FBN2: variants seen among roughly 807,000 people sequenced by gnomAD.
FBN2 encodes fibrillin 2.
A neutral mutation model predicts 355.6 loss-of-function variants in FBN2; 105 were observed. That is an observed-to-expected ratio of 0.30 (90% CI 0.25 to 0.35). The LOEUF is 0.35. Among genes scored for constraint, FBN2 ranks in the 10% least tolerant of loss-of-function variants. The probability of loss-of-function intolerance (pLI) is 1.00; values close to 1 mark genes in which losing one functional copy is unlikely to be tolerated. For synonymous variants in FBN2, 1,350 were observed against 1,301.2 expected, an observed-to-expected ratio of 1.04 and a Z score of -0.81; for missense variants, 3,280 against 3,758.7, an observed-to-expected ratio of 0.87 and a Z score of 3.33.
chr5:128,322,085 T>C (rs1750391406), intron 34 of FBN2, among the ~76,000 whole-genome samples: 1 of 152,324 alleles, frequency 6.6e-6, no homozygotes, highest in African/African-American at 2.4e-5. Context: ...CTCATAAATG[T>C]TTTCTTTTGA....
chr5:128,284,736 G>A (rs537442043), intron 55 of FBN2, among the ~76,000 whole-genome samples: 1 of 152,310 alleles, frequency 6.6e-6, no homozygotes, highest in East Asian at 1.9e-4. Flanking sequence ...ATCTCTGATA[G>A]TTGCTGCTTC....
At chr5:128,504,870 T>C (rs923296683) in intron 5 of FBN2, among the ~76,000 whole-genome samples, 5 of 152,140 alleles carry the variant, frequency 3.3e-5, no homozygotes, top group African/African-American at 9.7e-5. Context: ...AATGATATGG[T>C]TTGGCTGTGT....
chr5:128,278,638 T>C lies in FBN2; in HGVS notation c.7342A>G (p.Arg2448Gly), dbSNP rs1765455659. The C allele has an allele frequency of 2.5e-6, 4 of 1,613,436 alleles. No homozygotes were observed. Among genetic ancestry groups the C allele is most frequent in the Non-Finnish European group, 3.4e-6 (4 of 1,179,450 alleles). The change falls in exon 57 of 65, where the codon AGA (arginine) becomes GGA (glycine). Residue 2448 changes from arginine (R) to glycine (G), a missense_variant. Arg to Gly is a moderately radical substitution (Grantham distance 125, BLOSUM62 -2). Transcript: ENST00000262464. Reference protein sequence around the residue: ...PHGPGYTTDGRDIDECKVMPN... With the variant: ...PHGPGYTTDGGDIDECKVMPN... ...ATAAATTTCCTCAACTCCTTACCTC[T>C]TCCATCAGTTGTATATCCTGGGCCA...
intron 8 of FBN2, among the ~76,000 whole-genome samples, chr5:128,407,235 C>T (rs1234232653): frequency 1.3e-5 from 2 of 152,124 alleles, no homozygotes; most frequent in Non-Finnish European, 2.9e-5. Flanking sequence ...TCATTGGCTG[C>T]AAAACACTGG....
At chr5:128,296,446 G>C (rs1341289859) in intron 48 of FBN2, among the ~76,000 whole-genome samples, 2 of 151,622 alleles carry the variant, frequency 1.3e-5, no homozygotes, top group East Asian at 3.9e-4. Context: ...GGTAGAATTC[G>C]GCTGTGAATC....
intron 15 of FBN2, among the ~76,000 whole-genome samples, chr5:128,373,477 C>T (rs1380398701): frequency 6.6e-6 from 1 of 152,118 alleles, no homozygotes; most frequent in African/African-American, 2.4e-5. Flanking sequence ...TCTACTTCTT[C>T]TCCTCCACCT....
chr5:128,361,485 T>G (rs1751636395), intron 19 of FBN2, among the ~76,000 whole-genome samples: 2 of 152,230 alleles, frequency 1.3e-5, no homozygotes, highest in African/African-American at 4.8e-5. Context: ...TTATCCGCTT[T>G]AAAATGTTTG....
At chr5:128,425,199 A>C (rs1439125896) in intron 7 of FBN2, among the ~76,000 whole-genome samples, 1 of 152,134 alleles carries the variant, frequency 6.6e-6, no homozygotes, top group Non-Finnish European at 1.5e-5. Context: ...AATACTGAAG[A>C]CTTAACATAA....
intron 8 of FBN2, among the ~76,000 whole-genome samples, chr5:128,395,993 C>T (rs1361452762): frequency 6.6e-6 from 1 of 152,162 alleles, no homozygotes; most frequent in Non-Finnish European, 1.5e-5. Context: ...GCGATGAGAA[C>T]TGACTGTAGC....
intron 6 of FBN2, among the ~76,000 whole-genome samples, chr5:128,447,958 C>T (rs887931636): frequency 2.6e-5 from 4 of 152,210 alleles, no homozygotes; most frequent in Non-Finnish European, 4.4e-5. Flanking sequence ...TCTGTTGCTT[C>T]AGTTGGCTGC....
chr5:128,524,269 G>C (rs1378522602), intron 4 of FBN2, among the ~76,000 whole-genome samples: 1 of 152,036 alleles, frequency 6.6e-6, no homozygotes, highest in Non-Finnish European at 1.5e-5. Context: ...GTGTTTCAAT[G>C]TCACCTTCTC....
chr5:128,261,693 T>C lies in FBN2; in HGVS notation c.8364+43A>G, dbSNP rs28763919. The C allele has an allele frequency of 5.1e-4, 812 of 1,596,302 alleles. 3 individuals are homozygous for C. In the African/African-American group the frequency reaches 9.5e-3, roughly 19 times the overall value. On this transcript the variant is annotated intron_variant, in intron 64 of 64. Coordinates refer to ENST00000262464, the MANE Select transcript of FBN2 (RefSeq NM_001999.4). Reference sequence around the variant, plus strand: ...GAACTGCACTGTATACATGACTCCGTAGGGATAAAATTTTGTGGCAACACA... The same window carrying C: ...GAACTGCACTGTATACATGACTCCGCAGGGATAAAATTTTGTGGCAACACA...
At chr5:128,425,858 AG>A (rs1171465934) in intron 7 of FBN2, among the ~76,000 whole-genome samples, 3 of 152,204 alleles carry the variant, frequency 2.0e-5, no homozygotes, top group Non-Finnish European at 4.4e-5. Context: ...TCAAATTCAT[AG>A]AGTTGAATTT....
At chr5:128,316,005 T>TA (rs1387458724) in intron 36 of FBN2, among the ~76,000 whole-genome samples, 1 of 152,228 alleles carries the variant, frequency 6.6e-6, no homozygotes, top group Non-Finnish European at 1.5e-5. Context: ...TCTTTGTAGT[T>TA]ACCTGACTCA....
chr5:128,537,895 G>T lies in FBN2; in HGVS notation c.-292C>A. 1.9e-6 allele frequency: 1 copy of T among 522,532 alleles called. No individual in the cohort carries two copies. Among genetic ancestry groups the T allele is most frequent in the Non-Finnish European group, 3.4e-6 (1 of 296,290 alleles). 32.4% of individuals were successfully genotyped at this position (522,532 alleles called of 1,614,324 possible). A position where few individuals can be genotyped will look rare whatever the true frequency, so the allele number is the denominator to read the frequency against. ...CGTTGCATAACCGGCCTAAAGCCCCGAGCGACTCCAGGACCGTCAGCGGGC... is the reference window on the plus strand; with the variant it reads ...CGTTGCATAACCGGCCTAAAGCCCCTAGCGACTCCAGGACCGTCAGCGGGC... On this transcript the variant is annotated 5_prime_UTR_variant, in exon 1 of 65. Transcript: ENST00000262464.
chr5:128,446,562 T>C lies in FBN2; in HGVS notation c.871A>G (p.Asn291Asp). Residue 291 changes from asparagine (N) to aspartate (D), a missense_variant, in exon 7 of 65, where the codon AAC becomes GAC. Physicochemically the swap from Asn to Asp is conservative, Grantham distance 23. This residue lies in a region of FBN2 where 343 missense variants were observed against 331.0 expected (regional missense o/e 1.04). Coordinates refer to ENST00000262464, the MANE Select transcript of FBN2 (RefSeq NM_001999.4). The stretch of plus-strand genomic sequence containing the variant: ...AAAGAGCCCACTGTATTGATACAGT[T>C]TCCTCCTTGGCATATCCCTGGGATA... ...QAIPGICQGG[N>D]CINTVGSFEC... The C allele has an allele frequency of 1.2e-6, 2 of 1,612,810 alleles. No individual in the cohort carries two copies. Among genetic ancestry groups the C allele is most frequent in the Non-Finnish European group, 1.7e-6 (2 of 1,178,838 alleles).
intron 34 of FBN2, among the ~76,000 whole-genome samples, chr5:128,321,935 C>T (rs1044071202): frequency 7.9e-5 from 12 of 152,184 alleles, no homozygotes; most frequent in Admixed American, 3.9e-4. Context: ...CCCATTTCTC[C>T]ACATGCTCTC....
intron 6 of FBN2, among the ~76,000 whole-genome samples, chr5:128,453,090 G>A (rs1363819588): frequency 1.3e-5 from 2 of 152,114 alleles, no homozygotes; most frequent in Non-Finnish European, 1.5e-5. Flanking sequence ...CATTTAATAT[G>A]GTTTGATCCA....
rs1243712555 is a variant in FBN2 at position 128,259,530 on chromosome 5, C to G, written c.8664G>C (p.Glu2888Asp). 1 of 1,614,074 alleles carries G rather than the reference C, an allele frequency of 6.2e-7. No homozygotes were observed. The highest frequency in any genetic ancestry group is 8.5e-7 in the Non-Finnish European group (1 of 1,180,014). The change falls in exon 65 of 65, where the codon GAG becomes GAC. Residue 2888 changes from glutamate to aspartate, a missense_variant. By Grantham distance (45) the Glu-to-Asp change is conservative. Around this residue, in one of 6 missense-constraint regions of FBN2, gnomAD observed 311 missense variants for 319.1 expected, o/e 0.97. Coordinates refer to ENST00000262464, the MANE Select transcript of FBN2 (RefSeq NM_001999.4). ...CTAGGAGGTAGTCATCCTCATTGCT[C>G]TCTTCCAGTTTCTTAAGCTCCTTCT... ...YKKKELKKLE[E>D]SNEDDYLLGE...
Sources: allele counts gnomAD v4.1 joint callset (sites outside exome capture counted in the v4.1 genomes callset), GRCh38; gene constraint gnomAD v4.1.1; regional missense constraint gnomAD v4.1.1; transcripts MANE v1.5; gene names NCBI Gene and HGNC (gene_info 2026-07-23, HGNC 2026-07-21).